Variants in NALF1 observed in about 807,000 individuals in gnomAD.
The protein encoded by NALF1 is family with sequence similarity 155 member A.
NALF1 carries 3 observed loss-of-function variants against 48.4 expected under a neutral mutation model. The observed-to-expected ratio is 0.06, with a 90% CI of 0.03 to 0.16. The LOEUF (loss-of-function observed/expected upper bound fraction) is 0.16. Ranked by LOEUF, NALF1 falls within the 10% of genes least tolerant of loss-of-function variation. The pLI is 1.00. For synonymous variants in NALF1, 262 were observed against 245.7 expected, an observed-to-expected ratio of 1.07 and a Z score of -0.62; for missense variants, 526 against 571.5, an observed-to-expected ratio of 0.92 and a Z score of 0.81.
intron 2 of NALF1, among the ~76,000 whole-genome samples, chr13:107,180,861 A>G: frequency 6.6e-6 from 1 of 151,742 alleles, no homozygotes; most frequent in East Asian, 1.9e-4. Context: ...GAAATTTATA[A>G]AGCATTGTGG....
intron 1 of NALF1, among the ~76,000 whole-genome samples, chr13:107,275,380 A>T (rs1384158841): frequency 6.6e-6 from 1 of 152,134 alleles, no homozygotes; most frequent in Non-Finnish European, 1.5e-5. Flanking sequence ...GAGACAGGCA[A>T]AGTCAAAGTA....
intron 1 of NALF1, among the ~76,000 whole-genome samples, chr13:107,274,783 A>C (rs1375381544): frequency 2.0e-5 from 3 of 152,146 alleles, no homozygotes; most frequent in African/African-American, 7.2e-5. Context: ...ATATTGGCAC[A>C]CTGGGTATGT....
intron 1 of NALF1, among the ~76,000 whole-genome samples, chr13:107,410,448 G>T (rs1566330308): frequency 2.0e-5 from 3 of 152,052 alleles, no homozygotes. Context: ...AAAGACATTG[G>T]CAATATCCAA....
At chr13:107,396,386 A>C (rs1222629219) in intron 1 of NALF1, among the ~76,000 whole-genome samples, 2 of 152,194 alleles carry the variant, frequency 1.3e-5, no homozygotes, top group Non-Finnish European at 2.9e-5. Flanking sequence ...GTAGAAGTGC[A>C]AGAGAGAACA....
chr13:107,568,259 G>A lies in NALF1; in HGVS notation c.915+297423C>T, dbSNP rs757664812. On this transcript the variant is annotated intron_variant, in intron 1 of 2. Coordinates refer to ENST00000375915, the MANE Select transcript of NALF1 (RefSeq NM_001080396.3). Reference sequence around the variant, plus strand: ...GCCTCCCATAATGTTAGGATTATAGGTGTGGGCCACCATACGCAGCCTTGT... The same window carrying A: ...GCCTCCCATAATGTTAGGATTATAGATGTGGGCCACCATACGCAGCCTTGT... Among the ~76,000 whole-genome samples, 4 of 152,234 alleles carry A rather than the reference G, an allele frequency of 2.6e-5. No homozygotes were observed. The South Asian group carries it at 8.3e-4, about 32-fold the overall frequency.
At chr13:107,255,564 G>A (rs181368254) in intron 1 of NALF1, among the ~76,000 whole-genome samples, 14 of 148,978 alleles carry the variant, frequency 9.4e-5, no homozygotes, top group African/African-American at 3.5e-4. Context: ...CCGTTTTATA[G>A]ATAAAGAAAG....
intron 1 of NALF1, among the ~76,000 whole-genome samples, chr13:107,538,778 G>C (rs1876914443): frequency 6.6e-6 from 1 of 152,152 alleles, no homozygotes; most frequent in African/African-American, 2.4e-5. Flanking sequence ...TCACTAACAT[G>C]GGGATCCTAT....
chr13:107,316,997 T>G (rs547657570), intron 1 of NALF1, among the ~76,000 whole-genome samples: 5 of 152,246 alleles, frequency 3.3e-5, no homozygotes, highest in African/African-American at 1.2e-4. Context: ...TTTTTAGAAA[T>G]GTAAATGAAA....
chr13:107,644,408 C>A (rs1291414663), intron 1 of NALF1, among the ~76,000 whole-genome samples: 2 of 149,576 alleles, frequency 1.3e-5, no homozygotes, highest in African/African-American at 4.9e-5. Context: ...TTTACAGACA[C>A]GGAAACTCAG....
At chr13:107,603,631 T>C (rs544837637) in intron 1 of NALF1, among the ~76,000 whole-genome samples, 33 of 152,280 alleles carry the variant, frequency 2.2e-4, no homozygotes, top group African/African-American at 7.7e-4. Flanking sequence ...AGAGAGGCAA[T>C]TTAAAATCTG....
At chr13:107,229,962 G>T (rs1880185635) in intron 1 of NALF1, among the ~76,000 whole-genome samples, 1 of 152,182 alleles carries the variant, frequency 6.6e-6, no homozygotes, top group South Asian at 2.1e-4. Context: ...TGCGATGGAA[G>T]ATTGGGCCAA....
chr13:107,518,468 G>C (rs1013279956), intron 1 of NALF1, among the ~76,000 whole-genome samples: 1 of 152,056 alleles, frequency 6.6e-6, no homozygotes, highest in African/African-American at 2.4e-5. Flanking sequence ...AGCTCTCCAA[G>C]GTACTTGGAG....
At chr13:107,593,122 G>C (rs185176251) in intron 1 of NALF1, among the ~76,000 whole-genome samples, 1 of 151,732 alleles carries the variant, frequency 6.6e-6, no homozygotes, top group Non-Finnish European at 1.5e-5. Flanking sequence ...TACATATTGT[G>C]TTCATTTTTA....
chr13:107,218,069 C>T (rs1470990946), intron 1 of NALF1, among the ~76,000 whole-genome samples: 3 of 152,132 alleles, frequency 2.0e-5, no homozygotes, highest in East Asian at 1.9e-4. Context: ...CACTCCCACC[C>T]GGCACTCTGC....
At chr13:107,294,802 TA>T (rs1480060111) in intron 1 of NALF1, among the ~76,000 whole-genome samples, 1 of 152,194 alleles carries the variant, frequency 6.6e-6, no homozygotes, top group Non-Finnish European at 1.5e-5. Flanking sequence ...TCAGTAAACC[TA>T]ACTTCCTTAA....
At position 107,608,411 on chromosome 13, in the gene NALF1, C is replaced by A. The variant is rs527360148; in HGVS notation, c.915+257271G>T. On this transcript the variant is annotated intron_variant, in intron 1 of 2. Coordinates refer to ENST00000375915, the MANE Select transcript of NALF1 (RefSeq NM_001080396.3). Reference sequence around the variant, plus strand: ...CAAGTTGGAGGAGAAATGAACTGAGCCTACAGAGATCTGCCCAATATGCAG... The same window carrying A: ...CAAGTTGGAGGAGAAATGAACTGAGACTACAGAGATCTGCCCAATATGCAG... Among the ~76,000 whole-genome samples, 35 of 152,110 alleles carry A rather than the reference C, an allele frequency of 2.3e-4. 1 individual carries two copies. Among genetic ancestry groups the A allele is most frequent in the Non-Finnish European group, 4.6e-4 (31 of 68,008 alleles).
intron 1 of NALF1, among the ~76,000 whole-genome samples, chr13:107,569,346 C>CT (rs1274668547): frequency 6.6e-6 from 1 of 152,048 alleles, no homozygotes; most frequent in East Asian, 1.9e-4. Flanking sequence ...GTGGTGGGTG[C>CT]TTGTAGTCCC....
At chr13:107,391,787 G>T (rs1883631932) in intron 1 of NALF1, among the ~76,000 whole-genome samples, 1 of 152,052 alleles carries the variant, frequency 6.6e-6, no homozygotes, top group Non-Finnish European at 1.5e-5. Flanking sequence ...CCACCTTTCT[G>T]AATCAAACCA....
intron 1 of NALF1, among the ~76,000 whole-genome samples, chr13:107,235,436 A>C (rs146670181): frequency 6.8e-4 from 104 of 152,312 alleles, no homozygotes; most frequent in African/African-American, 2.2e-3. Flanking sequence ...AGGACACTGA[A>C]AGGATACCAA....
Sources: allele counts gnomAD v4.1 joint callset (sites outside exome capture counted in the v4.1 genomes callset), GRCh38; gene constraint gnomAD v4.1.1; transcripts MANE v1.5; gene names NCBI Gene and HGNC (gene_info 2026-07-23, HGNC 2026-07-21).